Variants in METTL8 observed in about 807,000 individuals in gnomAD.
METTL8 encodes methyltransferase 8, tRNA N3-cytidine, also known as tRNA N(3)-cytidine methyltransferase METTL8, mitochondrial.
A neutral mutation model predicts 48.7 loss-of-function variants in METTL8; 32 were observed. The ratio of observed to expected loss-of-function variants is 0.66; its 90% CI spans 0.50 to 0.88. The LOEUF (loss-of-function observed/expected upper bound fraction) is 0.88. METTL8 is among the 40% of genes least tolerant of loss of function. The probability of loss-of-function intolerance (pLI) is 0.00; values close to 1 mark genes in which losing one functional copy is unlikely to be tolerated. For synonymous variants in METTL8, 136 were observed against 157.1 expected (o/e 0.87, Z 1.01); for missense variants, 464 against 474.4 (o/e 0.98, Z 0.20).
chr2:171,352,472 G>T (rs1379298206), intron 3 of METTL8, among the ~76,000 whole-genome samples: 2 of 152,118 alleles, frequency 1.3e-5, no homozygotes, highest in East Asian at 3.8e-4. Context: ...TCAGGATGAT[G>T]CTGGCCTCAT....
intron 2 of METTL8, chr2:171,374,835 G>A: frequency 1.4e-6 from 1 of 700,508 alleles, no homozygotes; most frequent in Non-Finnish European, 2.6e-6. Context: ...AACATACACA[G>A]TAGGTGTATG....
At chr2:171,413,434 T>G (rs1690954736) in intron 1 of METTL8, among the ~76,000 whole-genome samples, 2 of 152,192 alleles carry the variant, frequency 1.3e-5, no homozygotes, top group Admixed American at 6.5e-5. Context: ...TTGCAAAAAA[T>G]GTAAAACAAT....
intron 1 of METTL8, among the ~76,000 whole-genome samples, chr2:171,403,908 A>G (rs923568568): frequency 4.0e-5 from 6 of 151,070 alleles, no homozygotes; most frequent in African/African-American, 1.2e-4. Flanking sequence ...AATGCAACAA[A>G]CAGAATTTTA....
chr2:171,423,452 G>T (rs947537918), intron 1 of METTL8, among the ~76,000 whole-genome samples: 7 of 152,204 alleles, frequency 4.6e-5, no homozygotes, highest in African/African-American at 9.7e-5. Flanking sequence ...GGGCTCAGAA[G>T]ACAGGAAGAT....
At chr2:171,434,183 A>G (rs1287133359), upstream of METTL8, 2 of 381,524 alleles carry the variant, frequency 5.2e-6, no homozygotes, top group South Asian at 1.9e-5. Flanking sequence ...AGGGCCGGGC[A>G]AGCCCTCGCT....
At chr2:171,328,479 C>T (rs1685186940) in intron 7 of METTL8, among the ~76,000 whole-genome samples, 1 of 152,086 alleles carries the variant, frequency 6.6e-6, no homozygotes, top group African/African-American at 2.4e-5. Flanking sequence ...TACTATAGTC[C>T]TAAGTGACAC....
At chr2:171,390,529 G>A (rs968386698) in intron 2 of METTL8, among the ~76,000 whole-genome samples, 1 of 152,160 alleles carries the variant, frequency 6.6e-6, no homozygotes, top group African/African-American at 2.4e-5. Flanking sequence ...CATGGGAGGA[G>A]GTCAAAATAA....
At chr2:171,390,644 C>T (rs1259923163) in intron 2 of METTL8, among the ~76,000 whole-genome samples, 1 of 152,136 alleles carries the variant, frequency 6.6e-6, no homozygotes, top group Non-Finnish European at 1.5e-5. Flanking sequence ...AGCAAGAGAA[C>T]TAGAATTAAA....
chr2:171,414,772 T>C (rs1393864006), intron 1 of METTL8: 1 of 151,958 alleles, frequency 6.6e-6, no homozygotes, highest in Non-Finnish European at 1.5e-5. Context: ...TTTATTGGTA[T>C]GTGATATGGT....
In METTL8 at chr2:171,431,721, AGGGC is replaced by A. The variant is rs1256086760; in HGVS notation, c.-13+2158_-13+2161del. 5.3e-5 allele frequency among the ~76,000 whole-genome samples: 8 copies of A among 152,342 alleles called. No homozygotes were observed. The East Asian group carries it at 9.6e-4, about 18-fold the overall frequency. ...GTAGCCACCCTATGCAACAAGAAGC[AGGGC>A]GGGGGGCCAGGCCAGCCCCAGGGCC... On this transcript the variant is annotated intron_variant, in intron 1 of 9. Transcript: ENST00000375258.
intron 7 of METTL8, among the ~76,000 whole-genome samples, chr2:171,329,121 G>C (rs1685259779): frequency 6.6e-6 from 1 of 152,014 alleles, no homozygotes; most frequent in Non-Finnish European, 1.5e-5. Context: ...AAGGAGCTGG[G>C]ATTATAGGCG....
chr2:171,380,735 A>C (rs1428025378), intron 2 of METTL8, among the ~76,000 whole-genome samples: 1 of 152,186 alleles, frequency 6.6e-6, no homozygotes, highest in African/African-American at 2.4e-5. Context: ...ACCACTGTTC[A>C]AAGAAATAAG....
At chr2:171,331,913 T>C (rs1285344704) in intron 5 of METTL8, 46 bp from the exon 6 acceptor site, 1 of 1,407,630 alleles carries the variant, frequency 7.1e-7, no homozygotes, top group Admixed American at 2.0e-5. Context: ...GGAGACAGGG[T>C]CTTGCGCTGT....
At position 171,374,540 on chromosome 2, in the gene METTL8, G is replaced by C. The variant is rs183831545; in HGVS notation, c.144-14027C>G. Among the ~76,000 whole-genome samples, 615 of 152,236 alleles carry C rather than the reference G, an allele frequency of 4.0e-3. 6 individuals are homozygous for C. Among genetic ancestry groups the C allele is most frequent in the African/African-American group, 0.014 (583 of 41,546 alleles). On this transcript the variant is annotated intron_variant, in intron 2 of 9. Transcript: ENST00000375258. ...AAACTGTATTCAAAGTGTACAACTTGGTAAGTTTTAATATATGTAGACACT... is the reference window on the plus strand; with the variant it reads ...AAACTGTATTCAAAGTGTACAACTTCGTAAGTTTTAATATATGTAGACACT...
At chr2:171,405,538 T>C (rs1690086221) in intron 1 of METTL8, among the ~76,000 whole-genome samples, 1 of 152,180 alleles carries the variant, frequency 6.6e-6, no homozygotes. Context: ...TGAATGTAGA[T>C]GACTGACAGG....
Position 171,325,612 on chromosome 2 carries a change from T to C in METTL8, c.1033+229A>G, listed in dbSNP as rs184971689. ...AACAGCCTTCACCTTCATCTGGGTA[T>C]GAGGGTAAAACAAGAGACTTTAAAG... is the stretch of plus-strand genomic sequence containing the variant. On this transcript the variant is annotated intron_variant, in intron 9 of 9. Transcript: ENST00000375258. 1.1e-3 allele frequency among the ~76,000 whole-genome samples: 164 copies of C among 148,130 alleles called. 1 individual carries two copies. Among genetic ancestry groups the C allele is most frequent in the Non-Finnish European group, 7.1e-4 (48 of 67,372 alleles).
chr2:171,399,520 T>C (rs970197854), intron 1 of METTL8, among the ~76,000 whole-genome samples: 3 of 152,132 alleles, frequency 2.0e-5, no homozygotes, highest in East Asian at 1.9e-4. Flanking sequence ...ACAATGAGCA[T>C]AGTGGCAAAA....
Position 171,392,112 on chromosome 2 carries a change from T to C in METTL8, c.74A>G (p.Tyr25Cys). 6.4e-7 allele frequency: 1 copy of C among 1,551,588 alleles called. No homozygotes were observed. The highest frequency in any genetic ancestry group is 8.7e-7 in the Non-Finnish European group (1 of 1,146,882). Residue 25 changes from tyrosine (Y) to cysteine (C), a missense_variant, in exon 2 of 10, where the codon TAC becomes TGC. Tyr to Cys is a radical substitution (Grantham distance 194). Transcript: ENST00000375258. ...TGATCCCAGAGGGGCCACTGGGTGGTAACCACTTTGGTATCTGTGTGGCAC... is the reference window on the plus strand; with the variant it reads ...TGATCCCAGAGGGGCCACTGGGTGGCAACCACTTTGGTATCTGTGTGGCAC... ...GKVPHRYQSG[Y>C]HPVAPLGSRI...
At chr2:171,375,382 T>G in intron 2 of METTL8, 1 of 621,050 alleles carries the variant, frequency 1.6e-6, no homozygotes, top group South Asian at 1.9e-5. Context: ...ACAAATAAAC[T>G]GCCAAGTTGT....
Sources: allele counts gnomAD v4.1 joint callset (sites outside exome capture counted in the v4.1 genomes callset), GRCh38; gene constraint gnomAD v4.1.1; transcripts MANE v1.5; gene names NCBI Gene and HGNC (gene_info 2026-07-23, HGNC 2026-07-21).